Variants in CFAP210 observed in about 807,000 individuals in gnomAD.
The protein encoded by CFAP210 is cilia- and flagella- associated protein 210.
chr2:169,652,451 T>C, the CFAP210 span, among the ~76,000 whole-genome samples: 1 of 152,054 alleles, frequency 6.6e-6, no homozygotes, highest in African/African-American at 2.4e-5. Context: ...ACAAAAACAT[T>C]AGAAGTTGGG....
the CFAP210 span, among the ~76,000 whole-genome samples, chr2:169,677,480 CA>C: frequency 6.6e-6 from 1 of 151,926 alleles, no homozygotes; most frequent in East Asian, 1.9e-4. Context: ...CAATAGACAT[CA>C]AAAAAAGTAC....
the CFAP210 span, chr2:169,650,638 C>T: frequency 8.3e-7 from 1 of 1,202,554 alleles, no homozygotes; most frequent in Non-Finnish European, 1.1e-6. Context: ...TAACAGGAGC[C>T]CCATTGCTCC....
the CFAP210 span, among the ~76,000 whole-genome samples, chr2:169,664,239 C>A: frequency 6.6e-6 from 1 of 152,028 alleles, no homozygotes; most frequent in Non-Finnish European, 1.5e-5. Context: ...AAAAGAGATT[C>A]ATCCAATTCT....
the CFAP210 span, among the ~76,000 whole-genome samples, chr2:169,692,462 A>G: frequency 6.6e-6 from 1 of 150,874 alleles, no homozygotes. Context: ...ACACACACAC[A>G]CACACACACA....
At chr2:169,666,554 C>T in the CFAP210 span, among the ~76,000 whole-genome samples, 1 of 151,648 alleles carries the variant, frequency 6.6e-6, no homozygotes, top group Non-Finnish European at 1.5e-5. Flanking sequence ...AGAATTCGAG[C>T]TTCTTGAGTG....
the CFAP210 span, among the ~76,000 whole-genome samples, chr2:169,690,467 C>T: frequency 3.3e-5 from 5 of 151,914 alleles, no homozygotes; most frequent in East Asian, 1.9e-4. Flanking sequence ...GTTTGAGACA[C>T]GCCTGGCCAA....
chr2:169,645,941 T>C, the CFAP210 span: 48 of 1,613,854 alleles, frequency 3.0e-5, no homozygotes, highest in East Asian at 1.3e-4. Context: ...ATCATTTGCC[T>C]GATAGCTGGG....
the CFAP210 span, among the ~76,000 whole-genome samples, chr2:169,690,148 T>C: frequency 6.6e-6 from 1 of 151,984 alleles, no homozygotes. Flanking sequence ...AGCTGGGAGG[T>C]GTGTGCCACA....
the CFAP210 span, among the ~76,000 whole-genome samples, chr2:169,679,399 G>A: frequency 5.3e-5 from 8 of 151,654 alleles, no homozygotes; most frequent in Non-Finnish European, 1.0e-4. Flanking sequence ...GCCAGTGTCG[G>A]CTGGGCGCAG....
chr2:169,665,103 A>C, the CFAP210 span, among the ~76,000 whole-genome samples: 1 of 152,148 alleles, frequency 6.6e-6, no homozygotes, highest in Non-Finnish European at 1.5e-5. Flanking sequence ...TCTGAGCAGG[A>C]GGGATTTAAA....
chr2:169,663,313 T>C, the CFAP210 span, among the ~76,000 whole-genome samples: 2 of 151,222 alleles, frequency 1.3e-5, no homozygotes, highest in African/African-American at 4.9e-5. Context: ...ATAGGGCAGG[T>C]CGACAACCCA....
chr2:169,658,754 C>T, the CFAP210 span: 1 of 319,318 alleles, frequency 3.1e-6, no homozygotes, highest in Non-Finnish European at 6.2e-6. Context: ...TGGAGTTAGT[C>T]TGATCATTCA....
the CFAP210 span, chr2:169,658,812 T>C: frequency 4.0e-6 from 1 of 251,134 alleles, no homozygotes; most frequent in Non-Finnish European, 7.9e-6. Flanking sequence ...TTTTACACTA[T>C]TAGGAGGTTG....
chr2:169,688,642 T>C, the CFAP210 span, among the ~76,000 whole-genome samples: 1 of 152,204 alleles, frequency 6.6e-6, no homozygotes, highest in Admixed American at 6.5e-5. Context: ...ATAGCAAGAA[T>C]CACCTTTACT....
the CFAP210 span, among the ~76,000 whole-genome samples, chr2:169,670,504 C>G: frequency 6.6e-6 from 1 of 152,172 alleles, no homozygotes; most frequent in Non-Finnish European, 1.5e-5. Flanking sequence ...AAACAATGAA[C>G]ACTTATTATC....
the CFAP210 span, among the ~76,000 whole-genome samples, chr2:169,692,995 C>T: frequency 6.6e-6 from 1 of 152,176 alleles, no homozygotes; most frequent in Non-Finnish European, 1.5e-5. Flanking sequence ...AAACACTCTA[C>T]AAATTGTTGC....
the CFAP210 span, among the ~76,000 whole-genome samples, chr2:169,647,552 G>C: frequency 8.0e-6 from 1 of 124,854 alleles, no homozygotes; most frequent in Non-Finnish European, 1.7e-5. Context: ...AAAAAATCAA[G>C]TATTCTGTTT....
the CFAP210 span, chr2:169,680,952 A>G: frequency 1.2e-5 from 17 of 1,439,870 alleles, no homozygotes; most frequent in Non-Finnish European, 1.5e-5. Flanking sequence ...TAAGAGTACT[A>G]AGAAACAAGA....
chr2:169,689,867 T>G, the CFAP210 span, among the ~76,000 whole-genome samples: 1 of 152,254 alleles, frequency 6.6e-6, no homozygotes, highest in Non-Finnish European at 1.5e-5. Context: ...TGTTCCTTAT[T>G]CTATTTACAC....
Sources: gnomAD v4.1 joint callset for allele counts (sites outside exome capture counted in the v4.1 genomes callset) on GRCh38, gnomAD v4.1.1 for gene constraint, MANE v1.5 for transcripts, NCBI Gene and HGNC (gene_info 2026-07-23, HGNC 2026-07-21) for gene names.